The following C1QTNF3 variants were observed in gnomAD, a reference collection of about 807,000 sequenced individuals.
C1QTNF3 encodes the protein C1q and TNF related 3.
Under a neutral mutation model 32.6 loss-of-function variants are expected in C1QTNF3, and 26 were observed. The observed-to-expected ratio is 0.80, with a 90% CI of 0.58 to 1.11. The LOEUF (loss-of-function observed/expected upper bound fraction) is 1.11, where lower values mean the gene tolerates loss of function less well. Ranked by LOEUF, C1QTNF3 falls within the 50% of genes least tolerant of loss-of-function variation. C1QTNF3 has a pLI of 0.00. For missense variants in C1QTNF3, 362 were observed against 398.2 expected, an observed-to-expected ratio of 0.91 and a Z score of 0.77; for synonymous variants, 155 against 146.0, an observed-to-expected ratio of 1.06 and a Z score of -0.44.
chr5:34,217,900 ACTC>A, the C1QTNF3 span, among the ~76,000 whole-genome samples: 1 of 151,826 alleles, frequency 6.6e-6, no homozygotes, highest in African/African-American at 2.4e-5. Flanking sequence ...AAAGTGATAA[ACTC>A]CTCTAACAGT....
chr5:34,188,568 C>A, the C1QTNF3 span, among the ~76,000 whole-genome samples: 28 of 151,078 alleles, frequency 1.9e-4, no homozygotes, highest in South Asian at 1.9e-3. Flanking sequence ...TAAGATTTGC[C>A]TGCTGGGTTT....
the C1QTNF3 span, among the ~76,000 whole-genome samples, chr5:34,161,708 T>C: frequency 6.6e-6 from 1 of 152,200 alleles, no homozygotes; most frequent in Non-Finnish European, 1.5e-5. Context: ...ATAGTTCTTA[T>C]TACATTAGAC....
At chr5:34,051,539 A>G in the C1QTNF3 span, among the ~76,000 whole-genome samples, 1 of 152,368 alleles carries the variant, frequency 6.6e-6, no homozygotes, top group South Asian at 2.1e-4. Flanking sequence ...TGGATTAAGT[A>G]TGTGCTGTAC....
chr5:34,072,341 A>G, the C1QTNF3 span, among the ~76,000 whole-genome samples: 1 of 148,334 alleles, frequency 6.7e-6, no homozygotes, highest in African/African-American at 2.5e-5. Flanking sequence ...AAAAAATAAA[A>G]CAGTACCTAG....
chr5:34,033,469 C>G lies in C1QTNF3; in HGVS notation c.416-11G>C, dbSNP rs765202151. The G allele has an allele frequency of 6.2e-6, 10 of 1,614,000 alleles. No homozygotes were observed. Among genetic ancestry groups the G allele is most frequent in the South Asian group, 5.5e-5 (5 of 91,084 alleles). On this transcript the variant is annotated splice_polypyrimidine_tract_variant and intron_variant, in intron 2 of 5. Coordinates refer to ENST00000382065, the MANE Select transcript of C1QTNF3 (RefSeq NM_181435.6). The stretch of plus-strand genomic sequence containing the variant: ...TGTTTCCATGGTTTCCTTAAACAAC[C>G]AGACATCATCACATGAGAAAACCCA...
chr5:34,120,276 C>T, the C1QTNF3 span, among the ~76,000 whole-genome samples: 11 of 152,168 alleles, frequency 7.2e-5, no homozygotes, highest in South Asian at 8.3e-4. Context: ...CCTGAACTGA[C>T]GTTTTTGTTT....
At chr5:34,103,678 CG>C in the C1QTNF3 span, among the ~76,000 whole-genome samples, 697 of 130,774 alleles carry the variant, frequency 5.3e-3, 1 homozygote, top group South Asian at 0.012. Context: ...CTAAACTAGC[CG>C]GGTATGGCAG....
At chr5:34,098,644 AGAG>A in the C1QTNF3 span, among the ~76,000 whole-genome samples, 3 of 151,328 alleles carry the variant, frequency 2.0e-5, no homozygotes, top group Non-Finnish European at 3.0e-5. Flanking sequence ...TCTCACAATC[AGAG>A]GAGGAGAGCT....
At chr5:34,164,473 T>C in the C1QTNF3 span, among the ~76,000 whole-genome samples, 2 of 151,462 alleles carry the variant, frequency 1.3e-5, no homozygotes, top group Non-Finnish European at 2.9e-5. Flanking sequence ...AGCAAAACAA[T>C]TGCATGTTTA....
At chr5:34,069,674 A>G in the C1QTNF3 span, among the ~76,000 whole-genome samples, 2 of 152,322 alleles carry the variant, frequency 1.3e-5, no homozygotes, top group East Asian at 1.9e-4. Context: ...AGCAAAATCA[A>G]ATCTTTACCT....
At chr5:34,212,638 A>T in the C1QTNF3 span, among the ~76,000 whole-genome samples, 7 of 151,650 alleles carry the variant, frequency 4.6e-5, no homozygotes, top group Admixed American at 6.6e-5. Flanking sequence ...TATGCAGCCA[A>T]AAAACACATG....
At position 34,033,329 on chromosome 5, in the gene C1QTNF3, T is replaced by A; in HGVS notation, c.545A>T (p.Tyr182Phe). 1 of 1,613,662 alleles carries A rather than the reference T, an allele frequency of 6.2e-7. No homozygotes were observed. Among genetic ancestry groups the A allele is most frequent in the Non-Finnish European group, 8.5e-7 (1 of 1,179,816 alleles). Residue 182 changes from tyrosine to phenylalanine, a missense_variant, in exon 3 of 6, where the codon TAC becomes TTC. Physicochemically the swap from Tyr to Phe is conservative, Grantham distance 22. Coordinates refer to ENST00000382065, the MANE Select transcript of C1QTNF3 (RefSeq NM_181435.6). Reference protein sequence around the residue: ...GQHGPKGEKGYPGIPPELQIA... With the variant: ...GQHGPKGEKGFPGIPPELQIA... ...CTGAAGTTCTGGTGGAATCCCCGGG[T>A]AGCCCTTCTCTCCTTTGGGGCCATG...
chr5:34,228,015 A>G, the C1QTNF3 span, among the ~76,000 whole-genome samples: 1 of 150,124 alleles, frequency 6.7e-6, no homozygotes, highest in Admixed American at 6.7e-5. Flanking sequence ...ATCCCAAACT[A>G]TATCTCTAGT....
At chr5:34,036,665 G>A (rs947723638) in intron 1 of C1QTNF3, among the ~76,000 whole-genome samples, 9 of 152,162 alleles carry the variant, frequency 5.9e-5, no homozygotes, top group African/African-American at 2.4e-5. Context: ...AATGTGAAAT[G>A]ATTGGGCTGA....
chr5:34,197,015 A>C, the C1QTNF3 span, among the ~76,000 whole-genome samples: 2 of 152,310 alleles, frequency 1.3e-5, no homozygotes, highest in East Asian at 3.8e-4. Flanking sequence ...TAATGTATTG[A>C]ACACTACAGC....
chr5:34,244,302 T>C, the C1QTNF3 span, among the ~76,000 whole-genome samples: 1 of 152,168 alleles, frequency 6.6e-6, no homozygotes, highest in Non-Finnish European at 1.5e-5. Context: ...CTGCAGACCT[T>C]CTTGGTGAGT....
rs1223030771 is a variant in C1QTNF3, at chr5:34,028,835, C to T, written c.619G>A (p.Gly207Arg). 2.5e-6 allele frequency: 4 copies of T among 1,613,044 alleles called. No homozygotes were observed. The highest frequency in any genetic ancestry group is 3.4e-6 in the Non-Finnish European group (4 of 1,179,554). Reference sequence around the variant, plus strand: ...GTCTCAACACTGCTGAAGATAATCCCACTGTTCTGATTGCTGAAGTGGGTT... The same window carrying T: ...GTCTCAACACTGCTGAAGATAATCCTACTGTTCTGATTGCTGAAGTGGGTT... Reference protein sequence around the residue: ...LATHFSNQNSGIIFSSVETNI... With the variant: ...LATHFSNQNSRIIFSSVETNI... The change falls in exon 4 of 6, where the codon GGG becomes AGG. Residue 207 changes from glycine to arginine, a missense_variant. Coordinates refer to ENST00000382065, the MANE Select transcript of C1QTNF3 (RefSeq NM_181435.6).
chr5:34,056,454 G>GTGTGTA, the C1QTNF3 span, among the ~76,000 whole-genome samples: 347 of 48,540 alleles, frequency 7.1e-3, 4 homozygotes, highest in Admixed American at 8.8e-3. Context: ...GTGTGTGTGT[G>GTGTGTA]TATATATATA....
the C1QTNF3 span, among the ~76,000 whole-genome samples, chr5:34,155,500 G>C: frequency 6.6e-6 from 1 of 152,132 alleles, no homozygotes; most frequent in Non-Finnish European, 1.5e-5. Context: ...TGTTTACTCA[G>C]ACCTGATTTT....
Sources: allele counts gnomAD v4.1 joint callset (sites outside exome capture counted in the v4.1 genomes callset), GRCh38; gene constraint gnomAD v4.1.1; transcripts MANE v1.5; gene names NCBI Gene and HGNC (gene_info 2026-07-23, HGNC 2026-07-21).